KAT6A: variants seen among roughly 807,000 people sequenced by gnomAD.
The protein encoded by KAT6A is lysine acetyltransferase 6A, also known as histone acetyltransferase KAT6A.
Under a neutral mutation model 198.4 loss-of-function variants are expected in KAT6A, and 9 were observed. The ratio of observed to expected loss-of-function variants is 0.05; its 90% confidence interval spans 0.03 to 0.08. The LOEUF (loss-of-function observed/expected upper bound fraction) is 0.08. Ranked by LOEUF, KAT6A falls within the 10% of genes least tolerant of loss-of-function variation. The pLI is 1.00. For synonymous variants in KAT6A, 890 were observed against 883.0 expected, an observed-to-expected ratio of 1.01 and a Z score of -0.14; for missense variants, 2,077 against 2,509.9, an observed-to-expected ratio of 0.83 and a Z score of 3.69.
intron 2 of KAT6A, among the ~76,000 whole-genome samples, chr8:42,012,837 A>C (rs1826085852): frequency 2.0e-5 from 3 of 152,236 alleles, no homozygotes; most frequent in Admixed American, 6.5e-5. Context: ...AGAGATAAAC[A>C]AACTATGGTG....
chr8:41,934,789 G>A lies in KAT6A; in HGVS notation c.3431C>T (p.Thr1144Ile), dbSNP rs1821767383. The change falls in exon 17 of 17, where the codon ACA becomes ATA. Residue 1144 changes from threonine to isoleucine, a missense_variant. Physicochemically the swap from Thr to Ile is moderately conservative, Grantham distance 89. Around this residue, in one of 13 missense-constraint regions of KAT6A, gnomAD observed 375 missense variants for 383.0 expected, o/e 0.98. Coordinates refer to ENST00000265713, the MANE Select transcript of KAT6A (RefSeq NM_006766.5). ...KNSPLEPDTS[T>I]PLKKKKGWPK... ...CCATCCCTTTTTCTTTTTCAAAGGT[G>A]TGGATGTATCTGGCTCAAGAGGAGA... 1 of 1,613,906 alleles carries A rather than the reference G, an allele frequency of 6.2e-7. No individual in the cohort carries two copies. The highest frequency in any genetic ancestry group is 1.3e-5 in the African/African-American group (1 of 74,866).
chr8:41,942,034 C>T (rs1822165457), intron 14 of KAT6A: 1 of 183,542 alleles, frequency 5.4e-6, no homozygotes, highest in Non-Finnish European at 1.2e-5. Context: ...AATTAAACTG[C>T]ACTAAAGAGA....
At position 42,049,154 on chromosome 8, in the gene KAT6A, T is replaced by C. The variant is rs1363205619; in HGVS notation, c.-177A>G. The C allele has an allele frequency of 1.3e-4, 84 of 625,122 alleles. 1 individual carries two copies. The highest frequency in any genetic ancestry group is 1.2e-3 in the South Asian group (53 of 43,368). The allele number at this position is 625,122 out of a possible 1,614,324, so 38.7% of individuals were successfully genotyped here. A position where few individuals can be genotyped will look rare whatever the true frequency, so the allele number is the denominator to read the frequency against. On this transcript the variant is annotated 5_prime_UTR_variant, in exon 2 of 17. Transcript: ENST00000265713. ...ACAGAATGCCACCCCAATTGTACTA[T>C]AGAAACCAAAACAACCTGTTGATTG... is the stretch of plus-strand genomic sequence containing the variant.
chr8:41,957,717 G>T, intron 8 of KAT6A: 1 of 158,566 alleles, frequency 6.3e-6, no homozygotes, highest in South Asian at 1.8e-4. Flanking sequence ...ACTAATAATT[G>T]GGCTAAACCA....
rs13748 is a variant in KAT6A at position 41,937,416 on chromosome 8, C to T, written c.3192G>A (p.Thr1064=). ...CCTCCTCTTCTTCATCGATCTCAAA[C>T]GTGGGTTCTAATCTTGGCATTGGCC... The part of the protein sequence containing the change: ...SERPMPRLEP[T]FEIDEEEEEE... Residue 1064 remains threonine (T), a synonymous_variant, in exon 16 of 17, where the codon ACG becomes ACA. Transcript: ENST00000265713. The T allele has an allele frequency of 0.23, 376,166 of 1,613,544 alleles. 49,165 individuals are homozygous for T. Among genetic ancestry groups the T allele is most frequent in the African/African-American group, 0.44 (32,698 of 74,930 alleles).
At chr8:42,019,901 T>C (rs1388535442) in intron 2 of KAT6A, among the ~76,000 whole-genome samples, 1 of 152,108 alleles carries the variant, frequency 6.6e-6, no homozygotes, top group African/African-American at 2.4e-5. Flanking sequence ...CCTTAACCCT[T>C]TTTTTTCCTC....
At chr8:42,034,780 T>C (rs990414956) in intron 2 of KAT6A, among the ~76,000 whole-genome samples, 12 of 152,222 alleles carry the variant, frequency 7.9e-5, no homozygotes, top group Admixed American at 1.3e-4. Context: ...ATTTCCATCA[T>C]TGCACAAAGT....
intron 8 of KAT6A, among the ~76,000 whole-genome samples, chr8:41,970,442 T>G (rs1377671293): frequency 6.6e-6 from 1 of 152,152 alleles, no homozygotes; most frequent in African/African-American, 2.4e-5. Flanking sequence ...TTAACTCTCT[T>G]TGGTCATCCT....
At chr8:42,051,423 C>G (rs924775919) in intron 1 of KAT6A, among the ~76,000 whole-genome samples, 6 of 150,666 alleles carry the variant, frequency 4.0e-5, no homozygotes, top group African/African-American at 1.5e-4. Flanking sequence ...CGAGCCCGAA[C>G]CCGAGCGCCC....
At position 41,946,575 on chromosome 8, in the gene KAT6A, T is replaced by C. The variant is rs1822409723; in HGVS notation, c.1996+16A>G. ...TCCACTGGAAAAGACCAATGAGAAATTAATATAATCCTTACTGAAATCGAT... is the reference window on the plus strand; with the variant it reads ...TCCACTGGAAAAGACCAATGAGAAACTAATATAATCCTTACTGAAATCGAT... On this transcript the variant is annotated intron_variant, in intron 12 of 16. Transcript: ENST00000265713. 2.2e-6 allele frequency: 3 copies of C among 1,366,040 alleles called. No homozygotes were observed. In the East Asian group the frequency reaches 7.0e-5, roughly 32 times the overall value. 84.6% of individuals were successfully genotyped at this position (1,366,040 alleles called of 1,614,324 possible). A position where few individuals can be genotyped will look rare whatever the true frequency, so the allele number is the denominator to read the frequency against.
chr8:42,022,217 G>A (rs779229664), intron 2 of KAT6A, among the ~76,000 whole-genome samples: 3 of 152,014 alleles, frequency 2.0e-5, no homozygotes, highest in Non-Finnish European at 4.4e-5. Context: ...TAAAAAGACT[G>A]ACAAACCTAT....
At chr8:41,995,951 C>T (rs1290073980) in intron 2 of KAT6A, among the ~76,000 whole-genome samples, 1 of 152,174 alleles carries the variant, frequency 6.6e-6, no homozygotes, top group East Asian at 1.9e-4. Flanking sequence ...GCTGGGATTA[C>T]AGGAGTGAGC....
At chr8:41,946,809 A>T (rs1211789585) in intron 11 of KAT6A, 125 bp from the exon 12 acceptor site, 2 of 625,446 alleles carry the variant, frequency 3.2e-6, no homozygotes, top group Non-Finnish European at 2.9e-6. Flanking sequence ...AGCAACGTAC[A>T]TCAACAAACA....
chr8:42,013,828 T>A (rs565902286), intron 2 of KAT6A, among the ~76,000 whole-genome samples: 1 of 152,254 alleles, frequency 6.6e-6, no homozygotes, highest in African/African-American at 2.4e-5. Context: ...AATGACTTAG[T>A]CAAGAGGGAA....
chr8:41,962,601 GC>G (rs756271999), intron 8 of KAT6A, among the ~76,000 whole-genome samples: 38 of 104,982 alleles, frequency 3.6e-4, no homozygotes, highest in Non-Finnish European at 4.1e-5. Flanking sequence ...CTTGTATACT[GC>G]CCCCCGCCCC....
chr8:41,944,993 C>T (rs547221571), intron 12 of KAT6A, among the ~76,000 whole-genome samples: 1 of 152,262 alleles, frequency 6.6e-6, no homozygotes, highest in Admixed American at 6.5e-5. Flanking sequence ...AATCAAAATC[C>T]TTTGTTTGAA....
At chr8:41,971,493 G>A (rs1242162498) in intron 8 of KAT6A, among the ~76,000 whole-genome samples, 1 of 152,166 alleles carries the variant, frequency 6.6e-6, no homozygotes, top group African/African-American at 2.4e-5. Context: ...AGGCATGCTT[G>A]GTGTGTCTGA....
At position 41,940,883 on chromosome 8, in the gene KAT6A, T is replaced by C. The variant is rs910699341; in HGVS notation, c.2998A>G (p.Ser1000Gly). 2 of 1,613,736 alleles carry C rather than the reference T, an allele frequency of 1.2e-6. No homozygotes were observed. Among genetic ancestry groups the C allele is most frequent in the Non-Finnish European group, 1.7e-6 (2 of 1,180,012 alleles). The change falls in exon 15 of 17, where the codon AGC (serine) becomes GGC (glycine). Residue 1000 changes from serine to glycine, a missense_variant. Ser to Gly is a moderately conservative substitution (Grantham distance 56, BLOSUM62 0). This residue lies in a region of KAT6A where 301 missense variants were observed against 272.2 expected (regional missense o/e 1.11). Transcript: ENST00000265713. ...GGCTTTGTGAGAATTGGTGGCGAGC[T>C]TGACCGAGGGCTTTCCGGCTCCTCC... ...EEEEPESPRSSSPPILTKPTL... is the reference protein window; with the variant it reads ...EEEEPESPRSGSPPILTKPTL...
intron 2 of KAT6A, among the ~76,000 whole-genome samples, chr8:41,995,841 A>G (rs1444670351): frequency 2.0e-5 from 3 of 151,868 alleles, no homozygotes; most frequent in Non-Finnish European, 4.4e-5. Flanking sequence ...ACACCCAGCT[A>G]ATTTTGTATC....
Sources: allele counts gnomAD v4.1 joint callset (sites outside exome capture counted in the v4.1 genomes callset), GRCh38; gene constraint gnomAD v4.1.1; regional missense constraint gnomAD v4.1.1; transcripts MANE v1.5; gene names NCBI Gene and HGNC (gene_info 2026-07-23, HGNC 2026-07-21).